The following TRPM2 variants were observed in gnomAD, a reference collection of about 807,000 sequenced individuals.
TRPM2 encodes estrogen-responsive element-associated gene 1 protein.
A neutral mutation model predicts 174.0 loss-of-function variants in TRPM2; 161 were observed. That is an observed-to-expected ratio of 0.93 (90% CI 0.81 to 1.05). The LOEUF is 1.05. TRPM2 is among the 50% of genes least tolerant of loss of function. The pLI, the probability that TRPM2 is intolerant of heterozygous loss-of-function variation, is 0.00. For missense variants in TRPM2, 2,057 were observed against 2,038.0 expected (o/e 1.01, Z -0.18); for synonymous variants, 954 against 861.3 (o/e 1.11, Z -1.88).
rs773075473 is a variant in TRPM2, at chr21:44,441,766, C to T, written c.4461C>T (p.Asn1487=). The T allele has an allele frequency of 1.2e-6, 2 of 1,611,738 alleles. No individual in the cohort carries two copies. The highest frequency in any genetic ancestry group is 1.7e-6 in the Non-Finnish European group (2 of 1,178,964). The change falls in exon 32 of 32, where the codon AAC becomes AAT. Residue 1487 remains asparagine (N), a synonymous_variant. Coordinates refer to ENST00000397928, the MANE Select transcript of TRPM2 (RefSeq NM_003307.4). ...ACAGGCGCATCCCACTCTATGCGAA[C>T]CACAAGACCCTCCTCCAGAAGGCAG... is the stretch of plus-strand genomic sequence containing the variant. ...VVDRRIPLYA[N]HKTLLQKAAA...
At chr21:44,401,594 C>A in intron 15 of TRPM2, 87 bp from the exon 16 acceptor site, 1 of 1,383,894 alleles carries the variant, frequency 7.2e-7, no homozygotes, top group Non-Finnish European at 1.0e-6. Flanking sequence ...CTGAGGGGCA[C>A]GGGGGATCAC....
chr21:44,433,981 T>C (rs2051128828), intron 27 of TRPM2, among the ~76,000 whole-genome samples: 1 of 151,986 alleles, frequency 6.6e-6, no homozygotes, highest in Non-Finnish European at 1.5e-5. Flanking sequence ...CCAGGCAGGG[T>C]CAGGGACGGT....
At chr21:44,401,515 C>T (rs373685083) in intron 15 of TRPM2, among the ~76,000 whole-genome samples, 166 bp from the exon 16 acceptor site, 1 of 152,250 alleles carries the variant, frequency 6.6e-6, no homozygotes, top group South Asian at 2.1e-4. Flanking sequence ...TGTGCTGTGC[C>T]GGCTCCGCCT....
At chr21:44,407,105 C>T (rs1275553156) in intron 19 of TRPM2, among the ~76,000 whole-genome samples, 3 of 144,494 alleles carry the variant, frequency 2.1e-5, no homozygotes, top group African/African-American at 7.7e-5. Flanking sequence ...GAAATAACTT[C>T]CTTCTTCTCT....
rs531879050 is a variant in TRPM2 at position 44,368,238 on chromosome 21, G to A, written c.605-939G>A. Among the ~76,000 whole-genome samples the A allele has an allele frequency of 9.2e-5, 14 of 152,160 alleles. No homozygotes were observed. The South Asian group carries it at 2.5e-3, about 27-fold the overall frequency. On this transcript the variant is annotated intron_variant, in intron 4 of 31. Transcript: ENST00000397928. ...GGGCTCAGGTGATACTCCTGCCTCC[G>A]CCTCCTGAGTTGCTGGGACTAGAGG... is the stretch of plus-strand genomic sequence containing the variant.
rs1824420968 is a variant in TRPM2, at chr21:44,366,662, C to G, written c.424-92C>G. The G allele has an allele frequency of 1.1e-5, 18 of 1,573,566 alleles. No individual in the cohort carries two copies. The highest frequency in any genetic ancestry group is 1.6e-5 in the Non-Finnish European group (18 of 1,153,182). ...CGGAAAGGTGTGCGGTGTCTGCCGC[C>G]CGCTGGGGCCTCTCTGCATGGCCTG... On this transcript the variant is annotated intron_variant, in intron 3 of 31. Coordinates refer to ENST00000397928, the MANE Select transcript of TRPM2 (RefSeq NM_003307.4). The surrounding 1 kb of genome is among the most constrained non-coding windows in gnomAD (Gnocchi z 6.0).
In TRPM2 at chr21:44,367,626, G is replaced by A. The variant is rs2048398826; in HGVS notation, c.604+692G>A. ...CAAGGCTCCCTGGGCCTCCCTGGAGGGGACTGTGGATGAATAGTGAGGCCC... is the reference window on the plus strand; with the variant it reads ...CAAGGCTCCCTGGGCCTCCCTGGAGAGGACTGTGGATGAATAGTGAGGCCC... On this transcript the variant is annotated intron_variant, in intron 4 of 31. Coordinates refer to ENST00000397928, the MANE Select transcript of TRPM2 (RefSeq NM_003307.4). The surrounding 1 kb of genome is among the most constrained non-coding windows in gnomAD (Gnocchi z 4.6). Among the ~76,000 whole-genome samples, 1 of 152,190 alleles carries A rather than the reference G, an allele frequency of 6.6e-6. No homozygotes were observed. Among genetic ancestry groups the A allele is most frequent in the African/African-American group, 2.4e-5 (1 of 41,454 alleles).
chr21:44,396,473 G>C (rs1383980272), intron 12 of TRPM2, among the ~76,000 whole-genome samples: 1 of 18,666 alleles, frequency 5.4e-5, no homozygotes, highest in Admixed American at 4.6e-4. Context: ...GTGTGGAGGG[G>C]TGTGGAGGCT....
intron 19 of TRPM2, among the ~76,000 whole-genome samples, chr21:44,413,564 C>A (rs1424302458): frequency 6.6e-6 from 1 of 152,206 alleles, no homozygotes; most frequent in East Asian, 1.9e-4. Flanking sequence ...ATTATTTCCA[C>A]CAAATTGAAC....
chr21:44,399,297 G>T lies in TRPM2; in HGVS notation c.2064G>T (p.Gly688=), dbSNP rs1459721033. The change falls in exon 14 of 32, where the codon GGG becomes GGT. Residue 688 remains glycine, a splice_region_variant and synonymous_variant. Coordinates refer to ENST00000397928, the MANE Select transcript of TRPM2 (RefSeq NM_003307.4). The surrounding 1 kb of genome is among the most constrained non-coding windows in gnomAD (Gnocchi z 4.6). ...LAEEYEHRAI[G]VFTECYRKDE... is the part of the protein sequence containing the mutation. ...CGGGGCTCTCATATCTCCGCCCAGG[G>T]GTCTTCACCGAGTGCTACCGGAAGG... is the stretch of plus-strand genomic sequence containing the variant. 6.2e-7 allele frequency: 1 copy of T among 1,612,040 alleles called. No individual in the cohort carries two copies.
Position 44,391,028 on chromosome 21 carries a change from A to G in TRPM2, c.1440+3A>G. On this transcript the variant is annotated splice_donor_region_variant and intron_variant, in intron 10 of 31. Transcript: ENST00000397928. The surrounding 1 kb of genome is among the most constrained non-coding windows in gnomAD (Gnocchi z 5.0). ...TCATGGATGAGTGGCAGTGGAAGGTAAGTCTTCCAGAGCACCCCGTGGAGG... is the reference window on the plus strand; with the variant it reads ...TCATGGATGAGTGGCAGTGGAAGGTGAGTCTTCCAGAGCACCCCGTGGAGG... 1 of 1,613,784 alleles carries G rather than the reference A, an allele frequency of 6.2e-7. No individual in the cohort carries two copies. Among genetic ancestry groups the G allele is most frequent in the Non-Finnish European group, 8.5e-7 (1 of 1,180,028 alleles).
At position 44,366,197 on chromosome 21, in the gene TRPM2, G is replaced by A. The variant is rs539243859; in HGVS notation, c.424-557G>A. 9.2e-5 allele frequency among the ~76,000 whole-genome samples: 14 copies of A among 152,006 alleles called. No individual in the cohort carries two copies. In the East Asian group the frequency reaches 2.7e-3, roughly 30 times the overall value. Reference sequence around the variant, plus strand: ...TCAGACGGGAGGCAGAGGAAGCTGGGCCCACTGAGTCCCCAGGACGGGCCA... The same window carrying A: ...TCAGACGGGAGGCAGAGGAAGCTGGACCCACTGAGTCCCCAGGACGGGCCA... On this transcript the variant is annotated intron_variant, in intron 3 of 31. Coordinates refer to ENST00000397928, the MANE Select transcript of TRPM2 (RefSeq NM_003307.4). The surrounding 1 kb of genome is among the most constrained non-coding windows in gnomAD (Gnocchi z 6.0).
At chr21:44,353,924 C>T (rs2047983474) in intron 1 of TRPM2, 59 bp downstream of exon 1, 1 of 1,556,856 alleles carries the variant, frequency 6.4e-7, no homozygotes, top group Non-Finnish European at 8.6e-7. Context: ...CACCGTTGGG[C>T]AGGTCATAGC....
chr21:44,411,714 T>C (rs752430364), intron 19 of TRPM2, among the ~76,000 whole-genome samples: 2 of 152,176 alleles, frequency 1.3e-5, no homozygotes, highest in Admixed American at 6.6e-5. Flanking sequence ...CCATTAAGTG[T>C]GATGTTAGCT....
intron 2 of TRPM2, among the ~76,000 whole-genome samples, chr21:44,360,085 A>G (rs773114413): frequency 1.3e-4 from 20 of 152,168 alleles, no homozygotes; most frequent in Non-Finnish European, 2.4e-4. Flanking sequence ...CCAGCAAAAA[A>G]TTGGAATCTA....
intron 2 of TRPM2, among the ~76,000 whole-genome samples, chr21:44,356,995 T>C (rs926672603): frequency 6.6e-6 from 1 of 152,084 alleles, no homozygotes; most frequent in African/African-American, 2.4e-5. Flanking sequence ...TTCGTCGCCA[T>C]CTTGGTTTTG....
Position 44,354,382 on chromosome 21 carries a change from G to A in TRPM2, c.166-266G>A, listed in dbSNP as rs749859678. On this transcript the variant is annotated intron_variant, in intron 1 of 31. Coordinates refer to ENST00000397928, the MANE Select transcript of TRPM2 (RefSeq NM_003307.4). The surrounding 1 kb of genome is among the most constrained non-coding windows in gnomAD (Gnocchi z 4.3). ...ACCACACCATGTTGTTCCCAAGGAA[G>A]GTGGTGGTGCTGTAGAAACTGTAAA... Among the ~76,000 whole-genome samples, 24 of 152,192 alleles carry A rather than the reference G, an allele frequency of 1.6e-4. No individual in the cohort carries two copies. Among genetic ancestry groups the A allele is most frequent in the Non-Finnish European group, 3.1e-4 (21 of 68,030 alleles).
At chr21:44,385,591 T>A (rs1209159248) in intron 9 of TRPM2, among the ~76,000 whole-genome samples, 1 of 152,098 alleles carries the variant, frequency 6.6e-6, no homozygotes, top group Non-Finnish European at 1.5e-5. Context: ...AAGGAAGAAG[T>A]AGAATTATTT....
Position 44,434,598 on chromosome 21 carries a change from G to C in TRPM2, c.3975-533G>C, listed in dbSNP as rs985186207. Among the ~76,000 whole-genome samples, 23 of 152,246 alleles carry C rather than the reference G, an allele frequency of 1.5e-4. 1 individual carries two copies. In the South Asian group the frequency reaches 2.5e-3, roughly 16 times the overall value. On this transcript the variant is annotated intron_variant, in intron 27 of 31. Coordinates refer to ENST00000397928, the MANE Select transcript of TRPM2 (RefSeq NM_003307.4). ...ATATAGGACCTGGTGGTGTCAGGGAGACCAGCCTGGCCCCATGGGAAGCGT... is the reference window on the plus strand; with the variant it reads ...ATATAGGACCTGGTGGTGTCAGGGACACCAGCCTGGCCCCATGGGAAGCGT...
Sources: gnomAD v4.1 joint callset for allele counts (sites outside exome capture counted in the v4.1 genomes callset) on GRCh38, gnomAD v4.1.1 for gene constraint, Gnocchi (gnomAD v3.1) non-coding constraint, MANE v1.5 for transcripts, NCBI Gene and HGNC (gene_info 2026-07-23, HGNC 2026-07-21) for gene names.